The following DPP8 variants were observed in gnomAD, a reference collection of about 807,000 sequenced individuals.
The protein encoded by DPP8 is dipeptidyl peptidase 8, also known as DPP VIII.
Under a neutral mutation model 107.5 loss-of-function variants are expected in DPP8, and 31 were observed. The ratio of observed to expected loss-of-function variants is 0.29; its 90% CI spans 0.22 to 0.39. The LOEUF (loss-of-function observed/expected upper bound fraction) is 0.39. DPP8 is among the 10% of genes least tolerant of loss of function. The probability of loss-of-function intolerance (pLI) is 1.00; values close to 1 mark genes in which losing one functional copy is unlikely to be tolerated. For synonymous variants in DPP8, 381 were observed against 356.6 expected, an observed-to-expected ratio of 1.07 and a Z score of -0.77; for missense variants, 842 against 1,076.1, an observed-to-expected ratio of 0.78 and a Z score of 3.04.
At chr15:65,509,901 G>T (rs1185933287) in intron 2 of DPP8, among the ~76,000 whole-genome samples, 1 of 152,010 alleles carries the variant, frequency 6.6e-6, no homozygotes, top group East Asian at 1.9e-4. Context: ...TGTGCCTATA[G>T]TCCCAGCTAC....
At chr15:65,450,700 A>G in intron 19 of DPP8, 1 of 199,924 alleles carries the variant, frequency 5.0e-6, no homozygotes, top group Non-Finnish European at 9.9e-6. Context: ...TCAAAGTGGA[A>G]AAAGAAAAGC....
intron 5 of DPP8, among the ~76,000 whole-genome samples, chr15:65,491,888 A>G (rs2068068601): frequency 1.3e-5 from 2 of 152,096 alleles, no homozygotes; most frequent in South Asian, 4.1e-4. Flanking sequence ...GCCCGCCACG[A>G]TGCCCGGCTA....
chr15:65,490,131 A>C, intron 6 of DPP8, 58 bp downstream of exon 6: 1 of 884,328 alleles, frequency 1.1e-6, no homozygotes, highest in South Asian at 1.4e-5. Flanking sequence ...CTTAAATGAC[A>C]GTTGAATCTT....
chr15:65,459,750 T>A (rs2064754513), intron 15 of DPP8, among the ~76,000 whole-genome samples: 1 of 151,772 alleles, frequency 6.6e-6, no homozygotes, highest in African/African-American at 2.4e-5. Context: ...AGGTCAGGAG[T>A]TCGAGACCAT....
chr15:65,474,757 G>GA (rs1228849342), intron 11 of DPP8, among the ~76,000 whole-genome samples: 1 of 152,130 alleles, frequency 6.6e-6, no homozygotes, highest in African/African-American at 2.4e-5. Flanking sequence ...GCATGGGCCT[G>GA]AATTGTTTAT....
At chr15:65,458,419 C>T (rs760961476) in intron 15 of DPP8, among the ~76,000 whole-genome samples, 2 of 152,044 alleles carry the variant, frequency 1.3e-5, no homozygotes, top group Non-Finnish European at 2.9e-5. Flanking sequence ...CACCACAATG[C>T]CTGGCTAATT....
chr15:65,463,845 T>C lies in DPP8; in HGVS notation c.1887A>G (p.Thr629=). Residue 629 remains threonine, a synonymous_variant, in exon 15 of 20, where the codon ACA becomes ACG. Coordinates refer to ENST00000300141, the MANE Select transcript of DPP8 (RefSeq NM_130434.5). ...IFSFESTTGF[T]LYGMLYKPHD... ...GAGGCTTGTAGAGCATCCCATACAA[T>C]GTAAATCCAGTAGTACTTTCAAAAG... The C allele has an allele frequency of 1.2e-6, 2 of 1,603,934 alleles. No homozygotes were observed. Among genetic ancestry groups the C allele is most frequent in the South Asian group, 1.1e-5 (1 of 89,068 alleles).
intron 15 of DPP8, among the ~76,000 whole-genome samples, chr15:65,461,819 T>C (rs915464013): frequency 6.6e-6 from 1 of 152,126 alleles, no homozygotes; most frequent in Non-Finnish European, 1.5e-5. Context: ...CAGGCTGGTC[T>C]TGAACCTCTG....
At chr15:65,502,265 T>C (rs1328655285) in intron 3 of DPP8, among the ~76,000 whole-genome samples, 1 of 150,238 alleles carries the variant, frequency 6.7e-6, no homozygotes, top group Non-Finnish European at 1.5e-5. Flanking sequence ...TATTTAACTA[T>C]GGTATTGTTT....
At chr15:65,495,010 C>T (rs553156075) in intron 5 of DPP8, among the ~76,000 whole-genome samples, 2 of 152,224 alleles carry the variant, frequency 1.3e-5, no homozygotes, top group East Asian at 1.9e-4. Flanking sequence ...AAAACCTTTC[C>T]ATGGACCCTC....
chr15:65,486,672 T>TGGC (rs2067473865), intron 7 of DPP8, among the ~76,000 whole-genome samples: 1 of 152,144 alleles, frequency 6.6e-6, no homozygotes, highest in East Asian at 1.9e-4. Context: ...AACAAAATAA[T>TGGC]GGCATTCACA....
chr15:65,512,388 G>A lies in DPP8; in HGVS notation c.166C>T (p.His56Tyr), dbSNP rs1268889943. The stretch of plus-strand genomic sequence containing the variant: ...GGTGCCTTAGCCATCATGTAGCCAT[G>A]ATATTTTCTGGTATCGGCAAGCAGC... Reference protein sequence around the residue: ...KKLLADTRKYHGYMMAKAPHD... With the variant: ...KKLLADTRKYYGYMMAKAPHD... Residue 56 changes from histidine to tyrosine, a missense_variant, in exon 2 of 20, where the codon CAT (histidine) becomes TAT (tyrosine). His to Tyr is a moderately conservative substitution (Grantham distance 83, BLOSUM62 2). Coordinates refer to ENST00000300141, the MANE Select transcript of DPP8 (RefSeq NM_130434.5). 1.2e-6 allele frequency: 2 copies of A among 1,614,042 alleles called. No homozygotes were observed. The highest frequency in any genetic ancestry group is 1.7e-5 in the Admixed American group (1 of 59,976).
intron 2 of DPP8, among the ~76,000 whole-genome samples, chr15:65,511,601 C>G (rs980002549): frequency 1.8e-4 from 25 of 141,268 alleles, no homozygotes; most frequent in Non-Finnish European, 3.5e-4. Context: ...TAGTGTGCCA[C>G]TGCACTCCAA....
rs200422654 is a variant in DPP8, at chr15:65,487,676, A to G, written c.955+14T>C. On this transcript the variant is annotated intron_variant, in intron 7 of 19. Transcript: ENST00000300141. The stretch of plus-strand genomic sequence containing the variant: ...AGGAAATGAGTGAATATAAATGCCA[A>G]TGGAGTACAGTACCTGTTTTAGGAT... The G allele has an allele frequency of 2.5e-6, 4 of 1,600,552 alleles. No homozygotes were observed. Among genetic ancestry groups the G allele is most frequent in the East Asian group, 2.3e-5 (1 of 44,116 alleles).
intron 1 of DPP8, among the ~76,000 whole-genome samples, chr15:65,514,721 A>G (rs2141145341): frequency 6.6e-6 from 1 of 152,278 alleles, no homozygotes; most frequent in South Asian, 2.1e-4. Flanking sequence ...CATCTTGGCC[A>G]GGCTGGTCTT....
intron 6 of DPP8, among the ~76,000 whole-genome samples, chr15:65,489,215 T>A (rs2067754389): frequency 6.6e-6 from 1 of 151,984 alleles, no homozygotes; most frequent in Admixed American, 6.6e-5. Flanking sequence ...CGCCTTGGCC[T>A]CCCAAAGTGC....
At chr15:65,504,232 G>A (rs953029736) in intron 3 of DPP8, among the ~76,000 whole-genome samples, 6 of 151,970 alleles carry the variant, frequency 3.9e-5, no homozygotes, top group Admixed American at 6.5e-5. Context: ...GTGTGGTGGC[G>A]CATGCCTGTA....
At position 65,474,288 on chromosome 15, in the gene DPP8, C is replaced by T. The variant is rs1264150803; in HGVS notation, c.1457G>A (p.Ser486Asn). The T allele has an allele frequency of 6.3e-7, 1 of 1,594,058 alleles. No individual in the cohort carries two copies. Reference protein sequence around the residue: ...KRSSGGLPAPSDFKCPIKEEI... With the variant: ...KRSSGGLPAPNDFKCPIKEEI... ...CTCTTTGATAGGACACTTGAAATCACCTGAAGATAAATATAATTATAATTC... is the reference window on the plus strand; with the variant it reads ...CTCTTTGATAGGACACTTGAAATCATCTGAAGATAAATATAATTATAATTC... The change falls in exon 12 of 20, where the codon AGT becomes AAT. Residue 486 changes from serine to asparagine, a missense_variant and splice_region_variant. This residue lies in a region of DPP8 where 663 missense variants were observed against 758.0 expected (regional missense o/e 0.87). Transcript: ENST00000300141.
intron 15 of DPP8, chr15:65,458,927 AGAT>A (rs2064674811): frequency 6.6e-6 from 1 of 152,124 alleles, no homozygotes; most frequent in African/African-American, 2.4e-5. Context: ...TCAAGCAAGA[AGAT>A]GAATGATCTT....
Sources: gnomAD v4.1 joint callset for allele counts (sites outside exome capture counted in the v4.1 genomes callset) on GRCh38, gnomAD v4.1.1 for gene constraint, gnomAD v4.1.1 regional missense constraint, MANE v1.5 for transcripts, NCBI Gene and HGNC (gene_info 2026-07-23, HGNC 2026-07-21) for gene names.